Variants in ARHGAP32 observed in about 807,000 individuals in gnomAD.
The protein encoded by ARHGAP32 is rho GTPase-activating protein 32.
Under a neutral mutation model 186.5 loss-of-function variants are expected in ARHGAP32, and 51 were observed. That is an observed-to-expected ratio of 0.27 (90% CI 0.22 to 0.35). The LOEUF is 0.35. ARHGAP32 is among the 10% of genes least tolerant of loss of function. ARHGAP32 has a pLI of 1.00. For missense variants in ARHGAP32, 2,186 were observed against 2,623.5 expected, an observed-to-expected ratio of 0.83 and a Z score of 3.64; for synonymous variants, 950 against 964.3, an observed-to-expected ratio of 0.99 and a Z score of 0.27.
chr11:129,102,086 A>G (rs1941915767), intron 5 of ARHGAP32, among the ~76,000 whole-genome samples: 2 of 152,208 alleles, frequency 1.3e-5, no homozygotes, highest in South Asian at 2.1e-4. Context: ...ACAGAATTTC[A>G]TATCTGGTGA....
At chr11:129,097,644 A>G (rs1941772558) in intron 5 of ARHGAP32, among the ~76,000 whole-genome samples, 1 of 152,128 alleles carries the variant, frequency 6.6e-6, no homozygotes, top group Non-Finnish European at 1.5e-5. Flanking sequence ...ATAATTGAAG[A>G]TAAGTAACAA....
chr11:129,100,623 C>A (rs893117330), intron 5 of ARHGAP32, among the ~76,000 whole-genome samples: 2 of 152,118 alleles, frequency 1.3e-5, no homozygotes, highest in African/African-American at 4.8e-5. Flanking sequence ...CCACTGTAGA[C>A]GGAGCCTTGG....
At chr11:128,976,696 A>T in intron 19 of ARHGAP32, 62 bp from the exon 20 acceptor site, 1 of 1,412,584 alleles carries the variant, frequency 7.1e-7, no homozygotes, top group Admixed American at 1.7e-5. Flanking sequence ...GGTTAATGGG[A>T]TCGGTGTTTT....
intron 1 of ARHGAP32, among the ~76,000 whole-genome samples, chr11:129,197,792 T>A (rs1048944940): frequency 2.6e-5 from 4 of 152,206 alleles, no homozygotes; most frequent in African/African-American, 9.6e-5. Flanking sequence ...GATTTTTTTA[T>A]AACAATCATT....
At chr11:129,190,020 G>A (rs1302552032) in intron 1 of ARHGAP32, among the ~76,000 whole-genome samples, 1 of 152,210 alleles carries the variant, frequency 6.6e-6, no homozygotes, top group African/African-American at 2.4e-5. Flanking sequence ...AGCTATGTGT[G>A]TGTATGTGAA....
At chr11:129,032,827 C>T (rs899017610) in intron 11 of ARHGAP32, among the ~76,000 whole-genome samples, 1 of 152,130 alleles carries the variant, frequency 6.6e-6, no homozygotes. Context: ...AATAAGCACA[C>T]AAAAAGATGC....
intron 2 of ARHGAP32, among the ~76,000 whole-genome samples, chr11:129,151,979 A>C (rs1210529597): frequency 6.6e-6 from 1 of 152,200 alleles, no homozygotes; most frequent in African/African-American, 2.4e-5. Context: ...ACCATTAGCA[A>C]GATTAACCGA....
intron 5 of ARHGAP32, among the ~76,000 whole-genome samples, chr11:129,108,211 C>T (rs1194975109): frequency 6.6e-6 from 1 of 152,064 alleles, no homozygotes; most frequent in African/African-American, 2.4e-5. Flanking sequence ...AGATGGAGAA[C>T]AGATTAAAAA....
At chr11:129,268,694 A>ATGG (rs1385257949) in intron 1 of ARHGAP32, among the ~76,000 whole-genome samples, 2 of 131,512 alleles carry the variant, frequency 1.5e-5, no homozygotes, top group East Asian at 4.6e-4. Context: ...AAAAAAAAAA[A>ATGG]AGGTGAATTC....
intron 1 of ARHGAP32, among the ~76,000 whole-genome samples, chr11:129,239,153 ATAATAATTTTTC>A (rs1944982768): frequency 1.3e-5 from 2 of 152,204 alleles, no homozygotes; most frequent in Admixed American, 1.3e-4. Context: ...CCAGGCCACG[ATAATAATTTTTC>A]TAAGCCCTCG....
intron 10 of ARHGAP32, among the ~76,000 whole-genome samples, chr11:129,051,351 G>A (rs1361474984): frequency 1.3e-5 from 2 of 152,162 alleles, no homozygotes; most frequent in Non-Finnish European, 2.9e-5. Flanking sequence ...GGTGTGGGAT[G>A]GTATCTCACT....
intron 1 of ARHGAP32, among the ~76,000 whole-genome samples, chr11:129,261,062 C>T (rs1384706078): frequency 6.6e-6 from 1 of 151,578 alleles, no homozygotes; most frequent in Non-Finnish European, 1.5e-5. Flanking sequence ...TGCTAAACGC[C>T]ACACTCCTCA....
rs1206125025 is a variant in ARHGAP32 at position 128,965,612 on chromosome 11, AAC to A, written c.*3293_*3294del. 2.6e-5 allele frequency: 4 copies of A among 152,236 alleles called. No homozygotes were observed. The highest frequency in any genetic ancestry group is 7.2e-5 in the African/African-American group (3 of 41,460). 9.4% of individuals were successfully genotyped at this position (152,236 alleles called of 1,614,324 possible). A position where few individuals can be genotyped will look rare whatever the true frequency, so the allele number is the denominator to read the frequency against. On this transcript the variant is annotated 3_prime_UTR_variant, in exon 23 of 23. Coordinates refer to ENST00000682385, the MANE Select transcript of ARHGAP32 (RefSeq NM_001378024.1). ...AATACACCATTCCTGACATTTCTGT[AAC>A]ACACAGTGCTGAAAATCACATGCCT... is the stretch of plus-strand genomic sequence containing the variant.
At chr11:129,172,344 T>C (rs1591670078) in intron 1 of ARHGAP32, among the ~76,000 whole-genome samples, 1 of 152,220 alleles carries the variant, frequency 6.6e-6, no homozygotes. Flanking sequence ...ATATGTTCCA[T>C]CAATATCTAG....
At chr11:129,197,003 G>C, upstream of ARHGAP32, among the ~76,000 whole-genome samples, 1 of 152,038 alleles carries the variant, frequency 6.6e-6, no homozygotes, top group South Asian at 2.1e-4. Context: ...GTTGCAATGA[G>C]CCAAGAGCGC....
chr11:129,153,104 G>A (rs1366530270), intron 2 of ARHGAP32, among the ~76,000 whole-genome samples: 1 of 151,200 alleles, frequency 6.6e-6, no homozygotes, highest in Non-Finnish European at 1.5e-5. Context: ...CAACGAAGCT[G>A]AGAATCAAAT....
intron 21 of ARHGAP32, chr11:128,973,762 T>C (rs1243858648): frequency 2.0e-6 from 1 of 512,168 alleles, no homozygotes; most frequent in African/African-American, 1.9e-5. Flanking sequence ...TTATGAACAG[T>C]TTTTACATTT....
chr11:129,276,791 A>C (rs1227574229), intron 1 of ARHGAP32, among the ~76,000 whole-genome samples: 1 of 152,252 alleles, frequency 6.6e-6, no homozygotes, highest in African/African-American at 2.4e-5. Flanking sequence ...TCTGTAAGAA[A>C]AACAATGCAA....
chr11:129,278,132 T>A (rs961476082), intron 1 of ARHGAP32, among the ~76,000 whole-genome samples: 3 of 152,194 alleles, frequency 2.0e-5, no homozygotes, highest in African/African-American at 4.8e-5. Context: ...AGAAAAGTTA[T>A]CCCCATTCAG....
Sources: gnomAD v4.1 joint callset for allele counts (sites outside exome capture counted in the v4.1 genomes callset) on GRCh38, gnomAD v4.1.1 for gene constraint, MANE v1.5 for transcripts, NCBI Gene and HGNC (gene_info 2026-07-23, HGNC 2026-07-21) for gene names.